RNFT2: variants seen among roughly 807,000 people sequenced by gnomAD.
The protein encoded by RNFT2 is ring finger protein, transmembrane 2.
In RNFT2, 36 loss-of-function variants were observed where a neutral mutation model predicts 53.0. The observed-to-expected ratio is 0.68, with a 90% CI of 0.52 to 0.90. The LOEUF is 0.90. Among genes scored for constraint, RNFT2 ranks in the 40% least tolerant of loss-of-function variants. RNFT2 has a pLI of 0.00. For synonymous variants in RNFT2, 260 were observed against 253.2 expected (o/e 1.03, Z -0.26); for missense variants, 514 against 585.6 (o/e 0.88, Z 1.26).
chr12:116,848,366 T>C (rs1877725162), intron 10 of RNFT2, among the ~76,000 whole-genome samples: 1 of 152,138 alleles, frequency 6.6e-6, no homozygotes, highest in Non-Finnish European at 1.5e-5. Flanking sequence ...TTGACCCTTG[T>C]GTTCTATTCT....
At chr12:116,786,376 G>C (rs1277582274) in intron 7 of RNFT2, among the ~76,000 whole-genome samples, 1 of 152,104 alleles carries the variant, frequency 6.6e-6, no homozygotes, top group Non-Finnish European at 1.5e-5. Flanking sequence ...CTCCCAAAGT[G>C]CTGGGATTAC....
intron 7 of RNFT2, among the ~76,000 whole-genome samples, chr12:116,798,632 G>A (rs372431332): frequency 6.6e-4 from 100 of 152,176 alleles, no homozygotes; most frequent in Non-Finnish European, 1.4e-3. Flanking sequence ...GCAGTGGCGT[G>A]ATCTCAGCTC....
At chr12:116,846,707 C>T (rs115608307) in intron 10 of RNFT2, among the ~76,000 whole-genome samples, 82 of 152,140 alleles carry the variant, frequency 5.4e-4, no homozygotes, top group African/African-American at 1.9e-3. Flanking sequence ...TGAAACTCTT[C>T]TATTCTTCAT....
At chr12:116,762,630 A>C (rs1872734387) in intron 5 of RNFT2, among the ~76,000 whole-genome samples, 1 of 145,552 alleles carries the variant, frequency 6.9e-6, no homozygotes, top group South Asian at 2.2e-4. Flanking sequence ...CCCAGGCTGG[A>C]GTGCAGTGGT....
chr12:116,811,777 C>G (rs1038706472), intron 7 of RNFT2, among the ~76,000 whole-genome samples: 1 of 152,220 alleles, frequency 6.6e-6, no homozygotes, highest in African/African-American at 2.4e-5. Context: ...GCTTGGCAGC[C>G]CACCGAGGCT....
intron 5 of RNFT2, among the ~76,000 whole-genome samples, chr12:116,756,826 G>A (rs1872527975): frequency 6.6e-6 from 1 of 152,060 alleles, no homozygotes. Flanking sequence ...TTGGTATTAG[G>A]GTGATGCTGG....
chr12:116,815,821 A>G (rs1468393928), intron 7 of RNFT2, among the ~76,000 whole-genome samples: 1 of 152,188 alleles, frequency 6.6e-6, no homozygotes, highest in Non-Finnish European at 1.5e-5. Flanking sequence ...ACTGAGGCCC[A>G]GAGAAGTGAT....
chr12:116,841,868 T>TATAAATATATATAAATATATATAA (rs1877318516), intron 10 of RNFT2, among the ~76,000 whole-genome samples: 1 of 25,762 alleles, frequency 3.9e-5, no homozygotes, highest in Non-Finnish European at 8.7e-5. Flanking sequence ...AATATATATA[T>TATAAATATATATAAATATATATAA]AAATATATAT....
At chr12:116,777,249 TAG>T (rs1428241665) in intron 6 of RNFT2, among the ~76,000 whole-genome samples, 18 of 152,170 alleles carry the variant, frequency 1.2e-4, no homozygotes, top group African/African-American at 4.1e-4. Context: ...ACCTACTTCA[TAG>T]AGTCTTTGGG....
rs1015909551 is a variant in RNFT2 at position 116,852,259 on chromosome 12, C to A, written c.*2811C>A. 5.1e-5 allele frequency: 64 copies of A among 1,262,490 alleles called. No individual in the cohort carries two copies. Among genetic ancestry groups the A allele is most frequent in the Non-Finnish European group, 6.1e-5 (61 of 1,002,624 alleles). 78.2% of individuals were successfully genotyped at this position (1,262,490 alleles called of 1,614,324 possible). A position where few individuals can be genotyped will look rare whatever the true frequency, so the allele number is the denominator to read the frequency against. On this transcript the variant is annotated 3_prime_UTR_variant, in exon 11 of 11. Coordinates refer to ENST00000257575, the MANE Select transcript of RNFT2 (RefSeq NM_001382266.1). ...AGTGGGCAGATTACCATGCAAGCCC[C>A]AGGAGAAATGGAGGAGCTTTGTAGC...
chr12:116,785,975 C>T (rs1024298397), intron 7 of RNFT2, among the ~76,000 whole-genome samples: 1 of 152,080 alleles, frequency 6.6e-6, no homozygotes, highest in African/African-American at 2.4e-5. Flanking sequence ...TTGCTTGAGC[C>T]CAGGAGGCAG....
intron 5 of RNFT2, among the ~76,000 whole-genome samples, chr12:116,758,855 C>T (rs778161907): frequency 2.0e-5 from 3 of 152,122 alleles, no homozygotes; most frequent in Non-Finnish European, 4.4e-5. Context: ...GACCTTTTTG[C>T]GATGAATTTC....
At chr12:116,785,045 C>T (rs1423222239) in intron 7 of RNFT2, among the ~76,000 whole-genome samples, 6 of 152,160 alleles carry the variant, frequency 3.9e-5, no homozygotes, top group Non-Finnish European at 1.5e-5. Flanking sequence ...TCTGCCCCTG[C>T]CACCAGCATC....
chr12:116,837,472 T>G (rs1302589669), intron 10 of RNFT2, among the ~76,000 whole-genome samples: 1 of 152,120 alleles, frequency 6.6e-6, no homozygotes, highest in Non-Finnish European at 1.5e-5. Context: ...ATGGAAAGGC[T>G]TACGGGTAGG....
At chr12:116,776,853 C>T (rs1350432073) in intron 6 of RNFT2, among the ~76,000 whole-genome samples, 1 of 151,728 alleles carries the variant, frequency 6.6e-6, no homozygotes, top group East Asian at 1.9e-4. Context: ...CACATTCAAC[C>T]CGAGATGCTG....
chr12:116,828,583 A>C (rs1238718576), intron 7 of RNFT2, among the ~76,000 whole-genome samples: 1 of 152,162 alleles, frequency 6.6e-6, no homozygotes, highest in Non-Finnish European at 1.5e-5. Context: ...TAGTTATCTT[A>C]GTACCTCCAG....
At chr12:116,804,348 G>T (rs910130618) in intron 7 of RNFT2, among the ~76,000 whole-genome samples, 6 of 152,102 alleles carry the variant, frequency 3.9e-5, no homozygotes, top group Non-Finnish European at 8.8e-5. Flanking sequence ...TGTGAGGTGG[G>T]GCCAGCAGTC....
Position 116,852,154 on chromosome 12 carries a change from C to G in RNFT2, c.*2706C>G. 1 of 1,094,506 alleles carries G rather than the reference C, an allele frequency of 9.1e-7. No individual in the cohort carries two copies. The highest frequency in any genetic ancestry group is 1.2e-6 in the Non-Finnish European group (1 of 809,584). The allele number at this position is 1,094,506 out of a possible 1,614,324, so 67.8% of individuals were successfully genotyped here. ...AATCTTGCCTGCCCTATTCCTCCTC[C>G]CAAGTCTGTTCTCTTATTGTCAACC... On this transcript the variant is annotated 3_prime_UTR_variant, in exon 11 of 11. Coordinates refer to ENST00000257575, the MANE Select transcript of RNFT2 (RefSeq NM_001382266.1).
intron 1 of RNFT2, among the ~76,000 whole-genome samples, chr12:116,739,823 G>A (rs1871515197): frequency 6.6e-6 from 1 of 152,226 alleles, no homozygotes; most frequent in South Asian, 2.1e-4. Context: ...GATTGCACTG[G>A]GCAGCCGTTG....
Sources: allele counts gnomAD v4.1 joint callset (sites outside exome capture counted in the v4.1 genomes callset), GRCh38; gene constraint gnomAD v4.1.1; transcripts MANE v1.5; gene names NCBI Gene and HGNC (gene_info 2026-07-23, HGNC 2026-07-21).